The following SLC15A2 variants were observed in gnomAD, a reference collection of about 807,000 sequenced individuals.
The protein encoded by SLC15A2 is kidney H(+)/peptide cotransporter.
A neutral mutation model predicts 95.5 loss-of-function variants in SLC15A2; 77 were observed. The observed-to-expected ratio is 0.81, with a 90% CI of 0.67 to 0.97. The LOEUF (loss-of-function observed/expected upper bound fraction) is 0.97. Among genes scored for constraint, SLC15A2 ranks in the 50% least tolerant of loss-of-function variants. The pLI is 0.00. For synonymous variants in SLC15A2, 306 were observed against 306.9 expected, an observed-to-expected ratio of 1.00 and a Z score of 0.03; for missense variants, 893 against 874.4, an observed-to-expected ratio of 1.02 and a Z score of -0.27.
chr3:121,901,597 T>C (rs1202706463), intron 3 of SLC15A2, among the ~76,000 whole-genome samples: 1 of 152,186 alleles, frequency 6.6e-6, no homozygotes, highest in African/African-American at 2.4e-5. Context: ...TTTGTGTGTG[T>C]GTGCGTGTGC....
intron 4 of SLC15A2, among the ~76,000 whole-genome samples, chr3:121,912,095 T>C (rs904650226): frequency 7.5e-4 from 114 of 152,368 alleles, no homozygotes; most frequent in African/African-American, 2.5e-3. Flanking sequence ...ATCAGAGGCA[T>C]TTGATAAATT....
intron 5 of SLC15A2, among the ~76,000 whole-genome samples, chr3:121,914,286 T>C (rs1002523984): frequency 6.6e-6 from 1 of 152,208 alleles, no homozygotes. Flanking sequence ...TGTTCTAATA[T>C]GGCAGGGAGA....
intron 3 of SLC15A2, among the ~76,000 whole-genome samples, chr3:121,904,850 G>T (rs1193624592): frequency 6.6e-6 from 1 of 152,216 alleles, no homozygotes; most frequent in East Asian, 1.9e-4. Context: ...ATATCAGGAT[G>T]ATGCTGGCCT....
chr3:121,914,000 A>G (rs982641199), intron 5 of SLC15A2, among the ~76,000 whole-genome samples: 4 of 146,656 alleles, frequency 2.7e-5, no homozygotes, highest in Non-Finnish European at 5.9e-5. Context: ...TTCCACCCTG[A>G]CATAATGCCT....
At chr3:121,905,031 G>A (rs908311100) in intron 3 of SLC15A2, among the ~76,000 whole-genome samples, 2 of 152,256 alleles carry the variant, frequency 1.3e-5, no homozygotes, top group African/African-American at 4.8e-5. Context: ...TTCAGAACCT[G>A]TTACTGATCT....
At chr3:121,895,996 G>A (rs1330051227) in intron 1 of SLC15A2, among the ~76,000 whole-genome samples, 31 of 152,156 alleles carry the variant, frequency 2.0e-4, no homozygotes, top group Admixed American at 2.0e-3. Flanking sequence ...CCATAGTGGG[G>A]CTAAGCAGAG....
At chr3:121,939,908 C>T (rs932554870) in intron 20 of SLC15A2, among the ~76,000 whole-genome samples, 2 of 152,100 alleles carry the variant, frequency 1.3e-5, no homozygotes, top group Admixed American at 6.5e-5. Context: ...CCGGCTCAAG[C>T]GATTCTCCTG....
chr3:121,909,000 C>T (rs964553656), intron 3 of SLC15A2, among the ~76,000 whole-genome samples: 2 of 151,806 alleles, frequency 1.3e-5, no homozygotes, highest in African/African-American at 4.8e-5. Context: ...TAGCAAGACC[C>T]CATCTCTACA....
Position 121,931,788 on chromosome 3 carries a change from T to C in SLC15A2, c.1761+53T>C. The C allele has an allele frequency of 3.8e-6, 4 of 1,050,476 alleles. No homozygotes were observed. The South Asian group carries it at 5.1e-5, about 13-fold the overall frequency. 65.1% of individuals were successfully genotyped at this position (1,050,476 alleles called of 1,614,324 possible). On this transcript the variant is annotated intron_variant, in intron 19 of 21. Coordinates refer to ENST00000489711, the MANE Select transcript of SLC15A2 (RefSeq NM_021082.4). The stretch of plus-strand genomic sequence containing the variant: ...CCTCTCTCCATATACATATATCTCC[T>C]GAGATCCTCTAGGCAGGGGCAGAAA...
chr3:121,938,716 C>T (rs1710401366), intron 19 of SLC15A2, among the ~76,000 whole-genome samples: 1 of 152,226 alleles, frequency 6.6e-6, no homozygotes, highest in Admixed American at 6.5e-5. Flanking sequence ...ACGCAGAAAT[C>T]ACCCGTCTTC....
At chr3:121,922,428 T>A in intron 8 of SLC15A2, 126 bp downstream of exon 8, 1 of 695,342 alleles carries the variant, frequency 1.4e-6, no homozygotes, top group Non-Finnish European at 2.4e-6. Context: ...TCATGTTTTT[T>A]AACAAGCTAA....
chr3:121,944,100 C>A lies in SLC15A2; in HGVS notation c.*3093C>A, dbSNP rs941446659. The A allele has an allele frequency of 6.6e-6, 1 of 152,172 alleles. No homozygotes were observed. Among genetic ancestry groups the A allele is most frequent in the African/African-American group, 2.4e-5 (1 of 41,440 alleles). 9.4% of individuals were successfully genotyped at this position (152,172 alleles called of 1,614,324 possible). ...GCAGTATTATAATCTAATGGGACCA[C>A]CATCACATATTTGGTCTGTCATTGA... is the stretch of plus-strand genomic sequence containing the variant. On this transcript the variant is annotated 3_prime_UTR_variant, in exon 22 of 22. Transcript: ENST00000489711.
In SLC15A2 at chr3:121,924,384, GTATGTGACT is replaced by G; in HGVS notation, c.1035+2_1035+10del. ...TGTGCTTCAGCCGGACCAGATGCAG[GTATGTGACT>G]CTTCTATAGCCATGGGGACTTATTT... On this transcript the variant is annotated splice_donor_variant and splice_donor_5th_base_variant and intron_variant, in intron 12 of 21. Transcript: ENST00000489711. LOFTEE classifies it high-confidence loss of function. 6.2e-7 allele frequency: 1 copy of G among 1,613,086 alleles called. No homozygotes were observed. Among genetic ancestry groups the G allele is most frequent in the Non-Finnish European group, 8.5e-7 (1 of 1,179,228 alleles).
At chr3:121,934,732 T>C (rs1346163892) in intron 19 of SLC15A2, among the ~76,000 whole-genome samples, 1 of 152,230 alleles carries the variant, frequency 6.6e-6, no homozygotes, top group Non-Finnish European at 1.5e-5. Flanking sequence ...GACTTCCTCT[T>C]TTCCTAATTG....
chr3:121,903,139 G>A (rs1322173610), intron 3 of SLC15A2, among the ~76,000 whole-genome samples: 4 of 152,216 alleles, frequency 2.6e-5, no homozygotes, highest in African/African-American at 4.8e-5. Flanking sequence ...TCTGTTGGCT[G>A]CATAAATGTC....
chr3:121,900,417 A>G (rs1013836099), intron 3 of SLC15A2, among the ~76,000 whole-genome samples: 4 of 152,102 alleles, frequency 2.6e-5, no homozygotes, highest in African/African-American at 9.7e-5. Flanking sequence ...ACTGCTTCCC[A>G]TCTCTTTTTC....
At chr3:121,933,613 G>GT (rs1385360131) in intron 19 of SLC15A2, among the ~76,000 whole-genome samples, 2 of 149,240 alleles carry the variant, frequency 1.3e-5, no homozygotes, top group South Asian at 2.1e-4. Context: ...GGGGTTGTTT[G>GT]TTTTTTTCTT....
chr3:121,927,520 T>C (rs1465969128), intron 13 of SLC15A2: 1 of 446,382 alleles, frequency 2.2e-6, no homozygotes, highest in East Asian at 3.7e-5. Flanking sequence ...TCTCCCATGA[T>C]TGAAAGCTCC....
intron 3 of SLC15A2, among the ~76,000 whole-genome samples, chr3:121,909,983 T>TC (rs1159091930): frequency 8.5e-6 from 1 of 117,796 alleles, no homozygotes; most frequent in African/African-American, 3.3e-5. Context: ...CAGCTCAAAC[T>TC]CCTTTTTTTT....
Sources: gnomAD v4.1 joint callset for allele counts (sites outside exome capture counted in the v4.1 genomes callset) on GRCh38, gnomAD v4.1.1 for gene constraint, MANE v1.5 for transcripts, NCBI Gene and HGNC (gene_info 2026-07-23, HGNC 2026-07-21) for gene names.